The following CD44 variants were observed in gnomAD, a reference collection of about 807,000 sequenced individuals.
CD44 encodes CD44 molecule (IN blood group).
A neutral mutation model predicts 88.8 loss-of-function variants in CD44; 49 were observed. That is an observed-to-expected ratio of 0.55 (90% confidence interval 0.44 to 0.70). The LOEUF is 0.70. Ranked by LOEUF, CD44 falls within the 30% of genes least tolerant of loss-of-function variation. The probability of loss-of-function intolerance (pLI) is 0.00; values close to 1 mark genes in which losing one functional copy is unlikely to be tolerated. For missense variants in CD44, 883 were observed against 913.8 expected (o/e 0.97, Z 0.43); for synonymous variants, 325 against 312.3 (o/e 1.04, Z -0.43).
chr11:35,204,711 A>G, intron 10 of CD44, 71 bp downstream of exon 10: 1 of 1,391,450 alleles, frequency 7.2e-7, no homozygotes, highest in Non-Finnish European at 1.0e-6. Context: ...CATTGAGGAC[A>G]TTGAACAAAA....
chr11:35,140,648 T>A lies in CD44; in HGVS notation c.67+1278T>A, dbSNP rs111702297. On this transcript the variant is annotated intron_variant, in intron 1 of 17. Transcript: ENST00000428726. ...GTGCATATGCATCTCCCTTTCTGTG[T>A]GAGTGAGAGGTCTTTGCTAGGTGGG... 9.5e-4 allele frequency among the ~76,000 whole-genome samples: 144 copies of A among 152,264 alleles called. 1 individual carries two copies. The highest frequency in any genetic ancestry group is 3.2e-3 in the African/African-American group (133 of 41,540).
intron 15 of CD44, among the ~76,000 whole-genome samples, chr11:35,217,685 T>C (rs1948948918): frequency 6.6e-6 from 1 of 152,158 alleles, no homozygotes; most frequent in African/African-American, 2.4e-5. Flanking sequence ...GTAATCAAGA[T>C]TTCAGTGTGC....
Position 35,180,302 on chromosome 11 carries a change from A to AT in CD44, c.264dup (p.Pro89SerfsTer27). ...TGGGTTCATAGAAGGGCACGTGGTG[A>AT]TTCCCCGGATCCACCCCAACTCCAT... On this transcript the variant is annotated frameshift_variant, in exon 3 of 18. Coordinates refer to ENST00000428726, the MANE Select transcript of CD44 (RefSeq NM_000610.4). LOFTEE classifies it high-confidence loss of function. 6.2e-7 allele frequency: 1 copy of AT among 1,614,048 alleles called. No homozygotes were observed. Among genetic ancestry groups the AT allele is most frequent in the Non-Finnish European group, 8.5e-7 (1 of 1,179,948 alleles).
At chr11:35,164,334 A>G (rs2133395119) in intron 1 of CD44, among the ~76,000 whole-genome samples, 1 of 152,312 alleles carries the variant, frequency 6.6e-6, no homozygotes, top group Middle Eastern at 3.4e-3. Flanking sequence ...CACTTGTTGC[A>G]TCTGTGAAAT....
At chr11:35,205,938 A>T in intron 10 of CD44, 174 bp from the exon 11 acceptor site, 1 of 1,264,316 alleles carries the variant, frequency 7.9e-7, no homozygotes, top group Non-Finnish European at 1.0e-6. Context: ...AGCATGAGTG[A>T]ACCCAAAGCT....
intron 17 of CD44, among the ~76,000 whole-genome samples, chr11:35,227,022 T>G (rs1949748321): frequency 6.6e-6 from 1 of 151,406 alleles, no homozygotes; most frequent in South Asian, 2.1e-4. Context: ...GTAGTTGGGA[T>G]TCAGCCACGC....
chr11:35,162,509 T>C (rs903822929), intron 1 of CD44, among the ~76,000 whole-genome samples: 2 of 152,218 alleles, frequency 1.3e-5, no homozygotes, highest in Non-Finnish European at 2.9e-5. Context: ...CATGGAATGG[T>C]AAAGATTTTG....
At chr11:35,203,709 A>T (rs1052032549) in intron 9 of CD44, among the ~76,000 whole-genome samples, 1 of 128,366 alleles carries the variant, frequency 7.8e-6, no homozygotes, top group Non-Finnish European at 1.7e-5. Flanking sequence ...TTGATAAACT[A>T]AAAAAAAAAA....
At position 35,207,373 on chromosome 11, in the gene CD44, G is replaced by A. The variant is rs180723263; in HGVS notation, c.1415-732G>A. 2.5e-3 allele frequency among the ~76,000 whole-genome samples: 375 copies of A among 152,268 alleles called. 1 individual carries two copies. Among genetic ancestry groups the A allele is most frequent in the African/African-American group, 8.3e-3 (346 of 41,550 alleles). On this transcript the variant is annotated intron_variant, in intron 11 of 17. Coordinates refer to ENST00000428726, the MANE Select transcript of CD44 (RefSeq NM_000610.4). ...AATTGACAGCCAGAAATATCGATGGGGTTTATGAATTGTTTGGCCTCTGTT... is the reference window on the plus strand; with the variant it reads ...AATTGACAGCCAGAAATATCGATGGAGTTTATGAATTGTTTGGCCTCTGTT...
At chr11:35,215,616 G>A (rs1948768849) in intron 15 of CD44, among the ~76,000 whole-genome samples, 2 of 152,100 alleles carry the variant, frequency 1.3e-5, no homozygotes, top group African/African-American at 4.8e-5. Context: ...AGGCACGGTG[G>A]CTCACACCTG....
At chr11:35,224,688 T>A (rs1411840468) in intron 17 of CD44, among the ~76,000 whole-genome samples, 1 of 152,046 alleles carries the variant, frequency 6.6e-6, no homozygotes, top group South Asian at 2.1e-4. Context: ...CAGTGAGCCA[T>A]GATAGTGCCA....
intron 1 of CD44, among the ~76,000 whole-genome samples, chr11:35,156,568 G>A (rs117203567): frequency 1.3e-5 from 2 of 152,312 alleles, no homozygotes; most frequent in Non-Finnish European, 2.9e-5. Context: ...GCATTAGACT[G>A]GCCGGCTGGT....
intron 1 of CD44, among the ~76,000 whole-genome samples, chr11:35,151,827 T>C (rs181639693): frequency 6.6e-6 from 1 of 152,354 alleles, no homozygotes; most frequent in African/African-American, 2.4e-5. Flanking sequence ...GGGCAGAGGT[T>C]AGTCACTTGA....
chr11:35,155,016 GA>G (rs111917137), intron 1 of CD44, among the ~76,000 whole-genome samples: 19 of 149,474 alleles, frequency 1.3e-4, no homozygotes, highest in East Asian at 5.8e-4. Flanking sequence ...GGCATCCTAG[GA>G]AAAAAAAAAT....
chr11:35,204,984 A>C (rs1264283080), intron 10 of CD44: 2 of 202,914 alleles, frequency 9.9e-6, no homozygotes, highest in Non-Finnish European at 2.0e-5. Context: ...CTACTCTATA[A>C]TGTGGGTCCA....
At position 35,158,730 on chromosome 11, in the gene CD44, A is replaced by G. The variant is rs116246464; in HGVS notation, c.68-17845A>G. On this transcript the variant is annotated intron_variant, in intron 1 of 17. Coordinates refer to ENST00000428726, the MANE Select transcript of CD44 (RefSeq NM_000610.4). ...CCAATAAACTCTCATTGAATTTGGC[A>G]GGGCGGGCACACCAGCAAGCTGACA... is the stretch of plus-strand genomic sequence containing the variant. 6.1e-3 allele frequency among the ~76,000 whole-genome samples: 927 copies of G among 152,326 alleles called. 6 individuals carry two copies. The highest frequency in any genetic ancestry group is 0.021 in the African/African-American group (891 of 41,566).
intron 5 of CD44, among the ~76,000 whole-genome samples, chr11:35,195,923 G>A (rs886374604): frequency 1.4e-4 from 22 of 152,146 alleles, no homozygotes; most frequent in African/African-American, 5.3e-4. Flanking sequence ...GAATCTAAAT[G>A]GAGAAAAGTG....
rs1360568556 is a variant in CD44 at position 35,211,418 on chromosome 11, T to G, written c.1779T>G (p.Asp593Glu). Residue 593 changes from aspartate (D) to glutamate (E), a missense_variant, in exon 14 of 18, where the codon GAT becomes GAG. Physicochemically the swap from Asp to Glu is conservative, Grantham distance 45. Coordinates refer to ENST00000428726, the MANE Select transcript of CD44 (RefSeq NM_000610.4). ...GAGTTACTGCAGTTACTGTTGGAGA[T>G]TCCAACTCTAATGTCAATCGTTCCT... ...SFGVTAVTVG[D>E]SNSNVNRSLS... 2.5e-6 allele frequency: 4 copies of G among 1,613,884 alleles called. No individual in the cohort carries two copies. The East Asian group carries it at 8.9e-5, about 36-fold the overall frequency.
At chr11:35,184,294 A>C (rs1945439264) in intron 3 of CD44, among the ~76,000 whole-genome samples, 1 of 152,182 alleles carries the variant, frequency 6.6e-6, no homozygotes, top group African/African-American at 2.4e-5. Context: ...ATGCTCTAAT[A>C]ATTTACAAAA....
Sources: gnomAD v4.1 joint callset for allele counts (sites outside exome capture counted in the v4.1 genomes callset) on GRCh38, gnomAD v4.1.1 for gene constraint, MANE v1.5 for transcripts, NCBI Gene and HGNC (gene_info 2026-07-23, HGNC 2026-07-21) for gene names.